The following NTM variants were observed in gnomAD, a reference collection of about 807,000 sequenced individuals.
NTM encodes IgLON family member 2.
A neutral mutation model predicts 42.1 loss-of-function variants in NTM; 13 were observed. The observed-to-expected ratio is 0.31, with a 90% CI of 0.20 to 0.49. The LOEUF (loss-of-function observed/expected upper bound fraction) is 0.49. Among genes scored for constraint, NTM ranks in the 20% least tolerant of loss-of-function variants. The probability of loss-of-function intolerance (pLI) is 0.99; values close to 1 mark genes in which losing one functional copy is unlikely to be tolerated. For synonymous variants in NTM, 187 were observed against 179.2 expected, an observed-to-expected ratio of 1.04 and a Z score of -0.35; for missense variants, 373 against 452.8, an observed-to-expected ratio of 0.82 and a Z score of 1.60.
chr11:131,418,143 G>A (rs1008910465), intron 1 of NTM, among the ~76,000 whole-genome samples: 1 of 152,200 alleles, frequency 6.6e-6, no homozygotes, highest in Non-Finnish European at 1.5e-5. Flanking sequence ...TAGCGAGGCC[G>A]GGATGATTGT....
At chr11:131,425,886 T>C (rs948739630) in intron 1 of NTM, among the ~76,000 whole-genome samples, 7 of 152,188 alleles carry the variant, frequency 4.6e-5, no homozygotes. Context: ...GCAACTGTTA[T>C]CTTCCTGGGC....
At chr11:131,491,174 T>C (rs150214401) in intron 1 of NTM, among the ~76,000 whole-genome samples, 36 of 152,284 alleles carry the variant, frequency 2.4e-4, no homozygotes, top group African/African-American at 8.7e-4. Context: ...CAATCATGAT[T>C]TGGGAAGCTG....
chr11:132,097,212 A>G (rs936097623), intron 2 of NTM, among the ~76,000 whole-genome samples: 3 of 152,188 alleles, frequency 2.0e-5, no homozygotes, highest in African/African-American at 7.2e-5. Context: ...CTCTCTAGAG[A>G]GAGCACGCAA....
intron 1 of NTM, among the ~76,000 whole-genome samples, chr11:131,545,313 G>A (rs1286426219): frequency 2.0e-5 from 3 of 151,652 alleles, no homozygotes; most frequent in African/African-American, 7.3e-5. Flanking sequence ...TTTTTCTTGA[G>A]TCTGTCTCCT....
intron 1 of NTM, among the ~76,000 whole-genome samples, chr11:131,511,636 T>C (rs538689113): frequency 9.5e-5 from 14 of 147,700 alleles, no homozygotes; most frequent in African/African-American, 3.2e-4. Flanking sequence ...CTGCTTAGGA[T>C]TGATTTTCCT....
At chr11:131,733,463 T>TTTCCTTCCTTCCTTCC (rs555056062) in intron 1 of NTM, among the ~76,000 whole-genome samples, 75 of 112,668 alleles carry the variant, frequency 6.7e-4, no homozygotes, top group South Asian at 1.0e-3. Flanking sequence ...TCCTTCCTTC[T>TTTCCTTCCTTCCTTCC]TTCCTTCCTT....
intron 1 of NTM, among the ~76,000 whole-genome samples, chr11:131,827,960 G>A (rs1412140535): frequency 6.6e-6 from 1 of 152,110 alleles, no homozygotes; most frequent in African/African-American, 2.4e-5. Context: ...TTTTCTCAGT[G>A]TTGGATCCTT....
At chr11:132,298,886 G>A (rs1026759542) in intron 4 of NTM, among the ~76,000 whole-genome samples, 1 of 151,796 alleles carries the variant, frequency 6.6e-6, no homozygotes, top group Non-Finnish European at 1.5e-5. Context: ...ACACATATAT[G>A]TGTGTATACA....
At chr11:132,015,248 T>A (rs1202974915) in intron 2 of NTM, among the ~76,000 whole-genome samples, 1 of 152,086 alleles carries the variant, frequency 6.6e-6, no homozygotes, top group Non-Finnish European at 1.5e-5. Context: ...TCCATTGAAT[T>A]ATGTGTCTGA....
intron 1 of NTM, among the ~76,000 whole-genome samples, chr11:131,411,024 A>G (rs1295726077): frequency 1.3e-5 from 2 of 152,170 alleles, no homozygotes; most frequent in Non-Finnish European, 2.9e-5. Flanking sequence ...CCAGACACTT[A>G]TACCACATAC....
chr11:131,881,086 G>T (rs985754473), intron 1 of NTM, among the ~76,000 whole-genome samples: 5 of 152,158 alleles, frequency 3.3e-5, no homozygotes, highest in Non-Finnish European at 5.9e-5. Flanking sequence ...CCCATGGTCT[G>T]CTTTCCTACA....
intron 2 of NTM, among the ~76,000 whole-genome samples, chr11:132,004,740 C>G (rs1337795708): frequency 1.3e-5 from 2 of 151,892 alleles, no homozygotes; most frequent in Non-Finnish European, 2.9e-5. Context: ...CACAATCATT[C>G]AGAGCTTCTG....
chr11:131,447,285 C>A (rs1418326899), intron 1 of NTM, among the ~76,000 whole-genome samples: 3 of 152,160 alleles, frequency 2.0e-5, no homozygotes, highest in South Asian at 4.1e-4. Context: ...CCTCTCTGAC[C>A]TTTTCCTAGC....
At chr11:132,150,159 T>A (rs1278278485) in intron 3 of NTM, among the ~76,000 whole-genome samples, 1 of 152,070 alleles carries the variant, frequency 6.6e-6, no homozygotes, top group East Asian at 1.9e-4. Context: ...AATTGCATGG[T>A]GAGAGAAAAA....
chr11:132,068,178 C>T (rs574977926), intron 2 of NTM, among the ~76,000 whole-genome samples: 1 of 152,336 alleles, frequency 6.6e-6, no homozygotes, highest in Non-Finnish European at 1.5e-5. Context: ...AGTGGATCTT[C>T]TAATTTTAGC....
chr11:132,033,351 G>C (rs898532194), intron 2 of NTM, among the ~76,000 whole-genome samples: 1 of 152,228 alleles, frequency 6.6e-6, no homozygotes, highest in Admixed American at 6.5e-5. Flanking sequence ...CCTAGCTGAA[G>C]AGATAACATG....
At chr11:131,891,531 A>C (rs1436077553) in intron 1 of NTM, among the ~76,000 whole-genome samples, 1 of 152,180 alleles carries the variant, frequency 6.6e-6, no homozygotes, top group Non-Finnish European at 1.5e-5. Context: ...CAAGAGATCA[A>C]GGAGTTTAGC....
At chr11:132,281,592 T>C (rs1447193914) in intron 4 of NTM, among the ~76,000 whole-genome samples, 1 of 152,210 alleles carries the variant, frequency 6.6e-6, no homozygotes, top group Non-Finnish European at 1.5e-5. Flanking sequence ...TCTGTAAGAA[T>C]AGATATCTAA....
intron 1 of NTM, among the ~76,000 whole-genome samples, chr11:131,524,370 C>T (rs1349687653): frequency 1.3e-5 from 2 of 152,174 alleles, no homozygotes; most frequent in Non-Finnish European, 2.9e-5. Flanking sequence ...CTGGTGCTGA[C>T]ATGTGATCCC....
Sources: allele counts gnomAD v4.1 joint callset (sites outside exome capture counted in the v4.1 genomes callset), GRCh38; gene constraint gnomAD v4.1.1; transcripts MANE v1.5; gene names NCBI Gene and HGNC (gene_info 2026-07-23, HGNC 2026-07-21).